The following LARS2 variants were observed in gnomAD, a reference collection of about 807,000 sequenced individuals.
LARS2 encodes the protein leucine--tRNA ligase, mitochondrial.
A neutral mutation model predicts 116.6 loss-of-function variants in LARS2; 81 were observed. The observed-to-expected ratio is 0.69, with a 90% CI of 0.58 to 0.84. The LOEUF (loss-of-function observed/expected upper bound fraction) is 0.84. LARS2 is among the 40% of genes least tolerant of loss of function. The probability of loss-of-function intolerance (pLI) is 0.00; values close to 1 mark genes in which losing one functional copy is unlikely to be tolerated. For missense variants in LARS2, 968 were observed against 1,114.5 expected, an observed-to-expected ratio of 0.87 and a Z score of 1.87; for synonymous variants, 396 against 407.2, an observed-to-expected ratio of 0.97 and a Z score of 0.33.
chr3:45,518,776 T>A (rs1700409390), intron 18 of LARS2, among the ~76,000 whole-genome samples: 1 of 152,160 alleles, frequency 6.6e-6, no homozygotes, highest in Non-Finnish European at 1.5e-5. Context: ...AGTTAATCAG[T>A]GTCGCTCATC....
intron 4 of LARS2, among the ~76,000 whole-genome samples, chr3:45,401,370 G>A (rs1254127519): frequency 6.6e-6 from 1 of 152,002 alleles, no homozygotes; most frequent in Non-Finnish European, 1.5e-5. Flanking sequence ...CAGTGTGGTG[G>A]CACACACCTG....
chr3:45,492,673 C>G (rs1417979442), intron 13 of LARS2, among the ~76,000 whole-genome samples: 1 of 152,174 alleles, frequency 6.6e-6, no homozygotes, highest in Non-Finnish European at 1.5e-5. Context: ...AGCGTGAAAT[C>G]CCTCATCAGG....
At chr3:45,518,218 T>C (rs1350249090) in intron 18 of LARS2, 146 bp downstream of exon 18, 4 of 619,938 alleles carry the variant, frequency 6.5e-6, no homozygotes, top group South Asian at 6.0e-5. Flanking sequence ...CTTGCTTTGA[T>C]TGATTGGCCC....
At chr3:45,428,186 G>C (rs1698628262) in intron 6 of LARS2, among the ~76,000 whole-genome samples, 1 of 149,746 alleles carries the variant, frequency 6.7e-6, no homozygotes, top group Non-Finnish European at 1.5e-5. Flanking sequence ...TCTTTTTCTA[G>C]GATTTTTAAA....
At chr3:45,509,575 A>G (rs1221109985) in intron 15 of LARS2, 4 of 152,024 alleles carry the variant, frequency 2.6e-5, no homozygotes, top group African/African-American at 9.7e-5. Context: ...TCTCCAATTA[A>G]TTGCCTAGTG....
chr3:45,392,443 C>T (rs1370365892), intron 2 of LARS2, among the ~76,000 whole-genome samples: 2 of 151,790 alleles, frequency 1.3e-5, no homozygotes, highest in East Asian at 1.9e-4. Context: ...TACAGATGCA[C>T]GTCACCATGC....
Position 45,492,950 on chromosome 3 carries a change from C to T in LARS2, c.1523+1150C>T, listed in dbSNP as rs570027012. 8.5e-5 allele frequency among the ~76,000 whole-genome samples: 13 copies of T among 152,200 alleles called. No homozygotes were observed. The South Asian group carries it at 1.9e-3, about 22-fold the overall frequency. Reference sequence around the variant, plus strand: ...ATAGCACACCCTCTTTGTTGATAAGCGCTGACAAAGGGCTTCCCTACCAGA... The same window carrying T: ...ATAGCACACCCTCTTTGTTGATAAGTGCTGACAAAGGGCTTCCCTACCAGA... On this transcript the variant is annotated intron_variant, in intron 13 of 21. Coordinates refer to ENST00000645846, the MANE Select transcript of LARS2 (RefSeq NM_015340.4).
chr3:45,392,731 T>A (rs1219251589), intron 2 of LARS2, among the ~76,000 whole-genome samples: 2 of 152,226 alleles, frequency 1.3e-5, no homozygotes, highest in Non-Finnish European at 2.9e-5. Flanking sequence ...TGTTGCTGTC[T>A]TATGTGAGTT....
At chr3:45,476,202 TG>T (rs1374275199) in intron 9 of LARS2, among the ~76,000 whole-genome samples, 1 of 152,168 alleles carries the variant, frequency 6.6e-6, no homozygotes, top group African/African-American at 2.4e-5. Flanking sequence ...AGTATCTTTC[TG>T]AGCATTCTTG....
Position 45,391,277 on chromosome 3 carries a change from A to G in LARS2, c.-87-306A>G, listed in dbSNP as rs371672601. 2.1e-4 allele frequency among the ~76,000 whole-genome samples: 32 copies of G among 152,018 alleles called. 2 individuals carry two copies. The highest frequency in any genetic ancestry group is 7.5e-4 in the African/African-American group (31 of 41,510). On this transcript the variant is annotated intron_variant, in intron 1 of 21. Coordinates refer to ENST00000645846, the MANE Select transcript of LARS2 (RefSeq NM_015340.4). ...AAGGCAGAGTGATCACGAGGTCAGGAGTTAGAGACCAGCCTGGCCAACACA... is the reference window on the plus strand; with the variant it reads ...AAGGCAGAGTGATCACGAGGTCAGGGGTTAGAGACCAGCCTGGCCAACACA...
chr3:45,440,930 G>C (rs1270083553), intron 6 of LARS2, among the ~76,000 whole-genome samples: 1 of 150,522 alleles, frequency 6.6e-6, no homozygotes, highest in Non-Finnish European at 1.5e-5. Context: ...TCTCTCCCTT[G>C]TGCCTTACCC....
rs1275486553 is a variant in LARS2, at chr3:45,461,617, AG to A, written c.750+2733del. Among the ~76,000 whole-genome samples the A allele has an allele frequency of 3.3e-5, 5 of 152,330 alleles. No homozygotes were observed. In the East Asian group the frequency reaches 9.7e-4, roughly 29 times the overall value. On this transcript the variant is annotated intron_variant, in intron 8 of 21. Coordinates refer to ENST00000645846, the MANE Select transcript of LARS2 (RefSeq NM_015340.4). ...TATGTTTTTATAAGATCACTGTGGA[AG>A]GAAGGGCAAGTGTGGATGCAGAGAG...
In LARS2 at chr3:45,458,195, TAAGATACCA is replaced by T. The variant is rs536531129; in HGVS notation, c.607-544_607-536del. ...CATCCTATAAGTTCATCCTTTCATA[TAAGATACCA>T]AAGTTGAGTTAGACACATCCTTAAA... On this transcript the variant is annotated intron_variant, in intron 7 of 21. Transcript: ENST00000645846. Among the ~76,000 whole-genome samples the T allele has an allele frequency of 9.5e-4, 145 of 152,328 alleles. 1 individual carries two copies. The highest frequency in any genetic ancestry group is 2.1e-4 in the Non-Finnish European group (14 of 68,034).
At chr3:45,447,552 A>G (rs768025826) in intron 7 of LARS2, among the ~76,000 whole-genome samples, 7 of 147,124 alleles carry the variant, frequency 4.8e-5, no homozygotes, top group Non-Finnish European at 9.1e-5. Context: ...TGTGTGTGTC[A>G]TACGGTCACT....
At chr3:45,449,126 G>C (rs943856588) in intron 7 of LARS2, among the ~76,000 whole-genome samples, 1 of 151,808 alleles carries the variant, frequency 6.6e-6, no homozygotes, top group Non-Finnish European at 1.5e-5. Flanking sequence ...GAGAGTGTGA[G>C]GGAGGGAGCA....
At chr3:45,417,690 A>G (rs1031398733) in intron 5 of LARS2, 117 bp downstream of exon 5, 138 of 648,148 alleles carry the variant, frequency 2.1e-4, no homozygotes, top group Non-Finnish European at 3.2e-4. Context: ...GTACCAAGAG[A>G]TAAATATGAT....
chr3:45,531,639 C>T (rs1406090834), intron 20 of LARS2, among the ~76,000 whole-genome samples: 1 of 152,166 alleles, frequency 6.6e-6, no homozygotes, highest in Non-Finnish European at 1.5e-5. Context: ...CCTCCTTGGC[C>T]TCCCAAAGTG....
At chr3:45,427,491 A>G (rs932875933) in intron 6 of LARS2, among the ~76,000 whole-genome samples, 12 of 152,366 alleles carry the variant, frequency 7.9e-5, no homozygotes, top group Non-Finnish European at 1.5e-4. Context: ...CCCATCATCA[A>G]TTCTTTCTGA....
At chr3:45,418,615 A>G (rs1320343730) in intron 5 of LARS2, among the ~76,000 whole-genome samples, 2 of 152,202 alleles carry the variant, frequency 1.3e-5, no homozygotes, top group African/African-American at 4.8e-5. Flanking sequence ...AACACAGTCA[A>G]ATCCATTTGT....
Sources: allele counts gnomAD v4.1 joint callset (sites outside exome capture counted in the v4.1 genomes callset), GRCh38; gene constraint gnomAD v4.1.1; transcripts MANE v1.5; gene names NCBI Gene and HGNC (gene_info 2026-07-23, HGNC 2026-07-21).